The following ZSWIM7 variants were observed in gnomAD, a reference collection of about 807,000 sequenced individuals.
ZSWIM7 encodes the protein zinc finger SWIM domain-containing protein 7.
A neutral mutation model predicts 21.1 loss-of-function variants in ZSWIM7; 22 were observed. The ratio of observed to expected loss-of-function variants is 1.04; its 90% CI spans 0.74 to 1.49. ZSWIM7 has a LOEUF of 1.49. Ranked by LOEUF, ZSWIM7 falls within the 40% of genes most tolerant of loss-of-function variation. ZSWIM7 has a pLI of 0.00. For synonymous variants in ZSWIM7, 67 were observed against 66.5 expected (o/e 1.01, Z -0.04); for missense variants, 193 against 168.0 (o/e 1.15, Z -0.82).
chr17:15,989,423 T>G (rs1020013236), intron 2 of ZSWIM7, among the ~76,000 whole-genome samples: 2 of 151,816 alleles, frequency 1.3e-5, no homozygotes, highest in Non-Finnish European at 2.9e-5. Context: ...GTTCAAGAGA[T>G]TCTCCGGCCC....
intron 1 of ZSWIM7, among the ~76,000 whole-genome samples, chr17:15,995,995 A>C (rs779959770): frequency 6.6e-5 from 10 of 152,262 alleles, no homozygotes; most frequent in Non-Finnish European, 1.5e-4. Context: ...GTAGTGGAAA[A>C]ATGTTTTCAG....
intron 2 of ZSWIM7, among the ~76,000 whole-genome samples, chr17:15,992,480 C>T (rs150061642): frequency 0.011 from 1,406 of 129,612 alleles, 15 homozygotes; most frequent in South Asian, 0.032. Context: ...GCTTTTATTG[C>T]CCAGGCTGGA....
intron 1 of ZSWIM7, among the ~76,000 whole-genome samples, chr17:15,994,585 A>G (rs887894338): frequency 6.6e-6 from 1 of 152,296 alleles, no homozygotes; most frequent in East Asian, 1.9e-4. Flanking sequence ...CCTTTCCCTC[A>G]TTCTGGCAAG....
chr17:15,983,068 C>T (rs1970373421), intron 3 of ZSWIM7, among the ~76,000 whole-genome samples: 1 of 151,958 alleles, frequency 6.6e-6, no homozygotes. Flanking sequence ...CAGTTCAGGC[C>T]GGGCATAGTG....
At position 15,977,334 on chromosome 17, in the gene ZSWIM7, C is replaced by T. The variant is rs1209292903; in HGVS notation, c.*713G>A. On this transcript the variant is annotated 3_prime_UTR_variant, in exon 5 of 5. Transcript: ENST00000399277. ...CAAGGAAAAGAACTGACCTACTCGT[C>T]GAAACTTCATCTTACTGTTTGGCCC... The T allele has an allele frequency of 4.6e-5, 7 of 152,166 alleles. No homozygotes were observed. Among genetic ancestry groups the T allele is most frequent in the East Asian group, 1.9e-4 (1 of 5,188 alleles). The allele number at this position is 152,166 out of a possible 1,614,324, so 9.4% of individuals were successfully genotyped here.
At position 15,998,880 on chromosome 17, in the gene ZSWIM7, G is replaced by C. The variant is rs147051772; in HGVS notation, c.76+639C>G. 6.3e-3 allele frequency among the ~76,000 whole-genome samples: 954 copies of C among 151,490 alleles called. 17 individuals carry two copies. Among genetic ancestry groups the C allele is most frequent in the African/African-American group, 0.021 (887 of 41,286 alleles). ...AGCGATTCTCCTGCCTCAGCCTCCT[G>C]AGTAGCTGGAATTACAGGCGCCCGC... On this transcript the variant is annotated intron_variant, in intron 1 of 4. Transcript: ENST00000399277.
At chr17:15,996,375 G>A (rs1389286312) in intron 1 of ZSWIM7, among the ~76,000 whole-genome samples, 2 of 152,080 alleles carry the variant, frequency 1.3e-5, no homozygotes, top group Non-Finnish European at 2.9e-5. Flanking sequence ...GGCCGGTGTG[G>A]GGGCTCACAA....
intron 1 of ZSWIM7, among the ~76,000 whole-genome samples, chr17:15,997,330 T>C (rs1046097956): frequency 6.6e-6 from 1 of 152,176 alleles, no homozygotes; most frequent in Non-Finnish European, 1.5e-5. Context: ...TCTAGAGATG[T>C]CTTCAGGAAG....
chr17:15,993,462 G>C (rs892200021), intron 2 of ZSWIM7, among the ~76,000 whole-genome samples: 4 of 151,818 alleles, frequency 2.6e-5, no homozygotes, highest in African/African-American at 9.7e-5. Context: ...CACCTCCCAG[G>C]TTCAAGTGAT....
intron 2 of ZSWIM7, among the ~76,000 whole-genome samples, chr17:15,987,690 A>C (rs890643950): frequency 1.3e-5 from 2 of 151,958 alleles, no homozygotes; most frequent in Admixed American, 6.6e-5. Context: ...GGCTCACCGT[A>C]ACCTCTGCCT....
rs754454254 is a variant in ZSWIM7 at position 15,978,035 on chromosome 17, A to AATC, written c.*9_*11dup. The AATC allele has an allele frequency of 1.9e-6, 3 of 1,593,114 alleles. No homozygotes were observed. Among genetic ancestry groups the AATC allele is most frequent in the African/African-American group, 2.7e-5 (2 of 74,566 alleles). ...ATTCTATTTTGAAAGAATGATGCTC[A>AATC]ATCTGTACCTTTTATGCTTCTTGTT... On this transcript the variant is annotated 3_prime_UTR_variant, in exon 5 of 5. Transcript: ENST00000399277.
rs1970288599 is a variant in ZSWIM7 at position 15,977,236 on chromosome 17, CTT to C, written c.*809_*810del. ...CTTACAGAAACCAGAACCTCTAAGT[CTT>C]TTCATACCTGCTACTGTTTAGCCAC... On this transcript the variant is annotated 3_prime_UTR_variant, in exon 5 of 5. Transcript: ENST00000399277. The C allele has an allele frequency of 6.6e-6, 1 of 152,192 alleles. No individual in the cohort carries two copies. The highest frequency in any genetic ancestry group is 6.5e-5 in the Admixed American group (1 of 15,284). The allele number at this position is 152,192 out of a possible 1,614,324, so 9.4% of individuals were successfully genotyped here.
intron 2 of ZSWIM7, among the ~76,000 whole-genome samples, chr17:15,990,134 G>A (rs1970463325): frequency 6.6e-6 from 1 of 151,282 alleles, no homozygotes; most frequent in Non-Finnish European, 1.5e-5. Flanking sequence ...GCAGGAGAAT[G>A]GTGTGAACCC....
At position 15,990,207 on chromosome 17, in the gene ZSWIM7, G is replaced by A. The variant is rs1402969124; in HGVS notation, c.99-2839C>T. 1.2e-3 allele frequency among the ~76,000 whole-genome samples: 141 copies of A among 116,956 alleles called. 1 individual carries two copies. The highest frequency in any genetic ancestry group is 1.3e-3 in the Non-Finnish European group (77 of 60,534). The allele number at this position is 116,956 out of a possible 152,430, so 76.7% of individuals were successfully genotyped here. On this transcript the variant is annotated intron_variant, in intron 2 of 4. Transcript: ENST00000399277. ...TGCACTCTAGCCTGGGTGACAGAGC[G>A]AAACTCTGTCTCAAAAAAAAAAAAA...
At chr17:15,984,355 C>T in intron 3 of ZSWIM7, among the ~76,000 whole-genome samples, 1 of 152,214 alleles carries the variant, frequency 6.6e-6, no homozygotes, top group Non-Finnish European at 1.5e-5. Context: ...AAACAACTTC[C>T]TCTTACAGGA....
intron 2 of ZSWIM7, among the ~76,000 whole-genome samples, chr17:15,989,523 G>A (rs1267671234): frequency 6.6e-6 from 1 of 152,068 alleles, no homozygotes; most frequent in African/African-American, 2.4e-5. Flanking sequence ...TTGCCATGTT[G>A]GTCAGGGTGG....
At chr17:15,987,589 G>A (rs946406476) in intron 2 of ZSWIM7, among the ~76,000 whole-genome samples, 1 of 151,928 alleles carries the variant, frequency 6.6e-6, no homozygotes, top group South Asian at 2.1e-4. Flanking sequence ...ATATATGTGT[G>A]TGTGTATATA....
intron 3 of ZSWIM7, among the ~76,000 whole-genome samples, chr17:15,985,783 T>C (rs1327402280): frequency 6.6e-6 from 1 of 152,212 alleles, no homozygotes; most frequent in East Asian, 1.9e-4. Context: ...GGTCAAGTAT[T>C]GTGCCCATAA....
chr17:15,985,303 TAAAAAA>T (rs11289228), intron 3 of ZSWIM7, among the ~76,000 whole-genome samples: 1 of 139,554 alleles, frequency 7.2e-6, no homozygotes, highest in African/African-American at 2.7e-5. Flanking sequence ...GACTCTGCCT[TAAAAAA>T]AAAAAAAAAA....
Sources: gnomAD v4.1 joint callset for allele counts (sites outside exome capture counted in the v4.1 genomes callset) on GRCh38, gnomAD v4.1.1 for gene constraint, MANE v1.5 for transcripts, NCBI Gene and HGNC (gene_info 2026-07-23, HGNC 2026-07-21) for gene names.